The following MEGF11 variants were observed in gnomAD, a reference collection of about 807,000 sequenced individuals.
The protein encoded by MEGF11 is multiple epidermal growth factor-like domains protein 11.
In MEGF11, 126 loss-of-function variants were observed where a neutral mutation model predicts 146.6. The observed-to-expected ratio is 0.86, with a 90% CI of 0.74 to 1.00. The LOEUF (loss-of-function observed/expected upper bound fraction) is 1.00. Among genes scored for constraint, MEGF11 ranks in the 50% least tolerant of loss-of-function variants. The pLI, the probability that MEGF11 is intolerant of heterozygous loss-of-function variation, is 0.00. For synonymous variants in MEGF11, 532 were observed against 583.4 expected, an observed-to-expected ratio of 0.91 and a Z score of 1.27; for missense variants, 1,509 against 1,521.2, an observed-to-expected ratio of 0.99 and a Z score of 0.13.
At chr15:65,915,778 G>A (rs551969623) in intron 18 of MEGF11, among the ~76,000 whole-genome samples, 180 bp from the exon 19 acceptor site, 1 of 152,164 alleles carries the variant, frequency 6.6e-6, no homozygotes, top group South Asian at 2.1e-4. Context: ...GAGGAGGAGT[G>A]AGCAGGGCCC....
intron 25 of MEGF11, chr15:65,898,500 T>C (rs2078409040): frequency 2.0e-6 from 2 of 985,264 alleles, no homozygotes; most frequent in Non-Finnish European, 2.4e-6. Context: ...CCAGTATTTG[T>C]TTCATATTAG....
intron 4 of MEGF11, among the ~76,000 whole-genome samples, chr15:66,110,425 G>A (rs976040189): frequency 1.6e-4 from 24 of 152,308 alleles, no homozygotes; most frequent in African/African-American, 5.8e-4. Context: ...GACCACGGTG[G>A]CTGCATTAAC....
intron 1 of MEGF11, among the ~76,000 whole-genome samples, chr15:66,211,402 T>C (rs1205337618): frequency 6.6e-6 from 1 of 151,518 alleles, no homozygotes; most frequent in Non-Finnish European, 1.5e-5. Flanking sequence ...CAGGCACCTG[T>C]AGTCCCAGCT....
intron 1 of MEGF11, among the ~76,000 whole-genome samples, chr15:66,204,346 A>AT (rs1307345702): frequency 1.3e-5 from 2 of 152,200 alleles, no homozygotes; most frequent in African/African-American, 4.8e-5. Flanking sequence ...CAGAGGTTTC[A>AT]GTGGGCCGAG....
chr15:65,944,225 T>C (rs2080109404), intron 10 of MEGF11, among the ~76,000 whole-genome samples: 1 of 152,004 alleles, frequency 6.6e-6, no homozygotes, highest in Non-Finnish European at 1.5e-5. Flanking sequence ...TTCTGTTTAG[T>C]AGATGGGAGA....
At chr15:66,035,619 G>A (rs1400499916) in intron 5 of MEGF11, among the ~76,000 whole-genome samples, 1 of 152,184 alleles carries the variant, frequency 6.6e-6, no homozygotes, top group Non-Finnish European at 1.5e-5. Flanking sequence ...TTTCTATGGT[G>A]TTTATGATGA....
chr15:66,122,769 T>TTTTTG (rs56098342), intron 3 of MEGF11, among the ~76,000 whole-genome samples: 83,817 of 150,734 alleles, frequency 0.56, 26,149 homozygotes, highest in Non-Finnish European at 0.7. Flanking sequence ...TATTAAGGCT[T>TTTTTG]TTTTGTTTTG....
chr15:66,203,183 G>A (rs1312470894), intron 1 of MEGF11, among the ~76,000 whole-genome samples: 1 of 152,182 alleles, frequency 6.6e-6, no homozygotes, highest in Admixed American at 6.5e-5. Flanking sequence ...GCCTGAGCCT[G>A]CGCACTCAGC....
intron 4 of MEGF11, 144 bp from the exon 5 acceptor site, chr15:66,094,638 A>ACCG: frequency 3.2e-6 from 2 of 633,148 alleles, no homozygotes; most frequent in Admixed American, 2.7e-5. Context: ...GGGGAAAATC[A>ACCG]AGCTACACCT....
At chr15:65,976,541 C>G (rs1328528706) in intron 7 of MEGF11, among the ~76,000 whole-genome samples, 1 of 152,162 alleles carries the variant, frequency 6.6e-6, no homozygotes, top group African/African-American at 2.4e-5. Flanking sequence ...AGAAGATGGC[C>G]ATCTACAAGC....
intron 7 of MEGF11, among the ~76,000 whole-genome samples, chr15:65,973,214 A>AT (rs1382230720): frequency 1.4e-5 from 2 of 138,482 alleles, no homozygotes; most frequent in Non-Finnish European, 3.4e-5. Flanking sequence ...GAATCCCAGG[A>AT]TAGCAGTGAA....
chr15:66,032,857 A>T (rs2083577118), intron 5 of MEGF11, among the ~76,000 whole-genome samples: 1 of 152,180 alleles, frequency 6.6e-6, no homozygotes, highest in Non-Finnish European at 1.5e-5. Context: ...CGAGGTGGGC[A>T]GATCATGAGG....
chr15:66,224,206 T>C (rs548848871), intron 1 of MEGF11, among the ~76,000 whole-genome samples: 1 of 152,308 alleles, frequency 6.6e-6, no homozygotes, highest in East Asian at 1.9e-4. Context: ...GGTTTTCTCG[T>C]CTGTAAACTG....
At chr15:66,062,156 A>T (rs971531482) in intron 5 of MEGF11, among the ~76,000 whole-genome samples, 6 of 152,232 alleles carry the variant, frequency 3.9e-5, no homozygotes, top group Admixed American at 3.9e-4. Flanking sequence ...AAAGAGCAGG[A>T]GGAAGCTCTT....
chr15:66,078,555 A>T (rs1470486802), intron 5 of MEGF11, among the ~76,000 whole-genome samples: 1 of 152,176 alleles, frequency 6.6e-6, no homozygotes, highest in Non-Finnish European at 1.5e-5. Context: ...TCTGCCCAGG[A>T]TGAGATGCAC....
chr15:66,102,063 G>A (rs541092730), intron 4 of MEGF11, among the ~76,000 whole-genome samples: 2 of 151,746 alleles, frequency 1.3e-5, no homozygotes, highest in Admixed American at 6.6e-5. Context: ...TTCCCATTGG[G>A]TTTCCACATA....
intron 5 of MEGF11, among the ~76,000 whole-genome samples, chr15:66,050,310 A>G (rs1178995633): frequency 6.6e-6 from 1 of 152,192 alleles, no homozygotes; most frequent in Non-Finnish European, 1.5e-5. Context: ...AATGTGGGAG[A>G]GCAATATGTA....
chr15:66,129,751 C>T (rs2088561067), intron 1 of MEGF11, among the ~76,000 whole-genome samples: 1 of 152,230 alleles, frequency 6.6e-6, no homozygotes, highest in Non-Finnish European at 1.5e-5. Context: ...CAAACACTCT[C>T]CTTCGCTCCA....
chr15:66,031,998 C>A (rs1211433634), intron 5 of MEGF11, among the ~76,000 whole-genome samples: 1 of 152,224 alleles, frequency 6.6e-6, no homozygotes, highest in Non-Finnish European at 1.5e-5. Flanking sequence ...GCATTAGATT[C>A]TCATGGGAGC....
Sources: gnomAD v4.1 joint callset for allele counts (sites outside exome capture counted in the v4.1 genomes callset) on GRCh38, gnomAD v4.1.1 for gene constraint, MANE v1.5 for transcripts, NCBI Gene and HGNC (gene_info 2026-07-23, HGNC 2026-07-21) for gene names.